CEP350: variants seen among roughly 807,000 people sequenced by gnomAD.
CEP350 encodes the protein centrosome-associated protein 350.
In CEP350, 126 loss-of-function variants were observed where a neutral mutation model predicts 331.8. That is an observed-to-expected ratio of 0.38 (90% CI 0.33 to 0.44). The LOEUF (loss-of-function observed/expected upper bound fraction) is 0.44, where lower values mean the gene tolerates loss of function less well. Ranked by LOEUF, CEP350 falls within the 20% of genes least tolerant of loss-of-function variation. CEP350 has a pLI of 1.00. For missense variants in CEP350, 3,406 were observed against 3,634.6 expected, an observed-to-expected ratio of 0.94 and a Z score of 1.62; for synonymous variants, 1,200 against 1,259.5, an observed-to-expected ratio of 0.95 and a Z score of 1.00.
intron 37 of CEP350, among the ~76,000 whole-genome samples, chr1:180,102,205 G>A (rs983251635): frequency 4.0e-5 from 6 of 150,234 alleles, no homozygotes; most frequent in East Asian, 2.0e-4. Context: ...GCACCACCTC[G>A]GCTCACTACA....
chr1:180,093,526 A>T lies in CEP350; in HGVS notation c.7421A>T (p.Glu2474Val). The change falls in exon 34 of 38, where the codon GAG (glutamate) becomes GTG (valine). Residue 2474 changes from glutamate to valine, a missense_variant. This residue lies in a region of CEP350 where 1,415 missense variants were observed against 1,512.3 expected (regional missense o/e 0.94). Coordinates refer to ENST00000367607, the MANE Select transcript of CEP350 (RefSeq NM_014810.5). ...LMKSKERSDV[E>V]HEQQVTESPS... The stretch of plus-strand genomic sequence containing the variant: ...AAAAGTAAGGAGCGCAGTGATGTGG[A>T]GCATGAACAGCAAGTTACTGAATCC... The T allele has an allele frequency of 3.7e-6, 6 of 1,613,486 alleles. No individual in the cohort carries two copies. The highest frequency in any genetic ancestry group is 5.1e-6 in the Non-Finnish European group (6 of 1,179,570).
At chr1:180,054,340 T>G in intron 24 of CEP350, 75 bp from the exon 25 acceptor site, 1 of 1,230,242 alleles carries the variant, frequency 8.1e-7, no homozygotes, top group Non-Finnish European at 1.2e-6. Context: ...TTTTTAGTAG[T>G]CAAGAATTCT....
rs775101024 is a variant in CEP350 at position 180,094,014 on chromosome 1, A to G, written c.7909A>G (p.Thr2637Ala). 12 of 1,613,704 alleles carry G rather than the reference A, an allele frequency of 7.4e-6. No individual in the cohort carries two copies. The Admixed American group carries it at 2.0e-4, about 27-fold the overall frequency. The change falls in exon 34 of 38, where the codon ACA becomes GCA. Residue 2637 changes from threonine (T) to alanine (A), a missense_variant. Around this residue, in one of 5 missense-constraint regions of CEP350, gnomAD observed 1,415 missense variants for 1,512.3 expected, o/e 0.94. Transcript: ENST00000367607. ...TAGAAGTAGAAGCCTTAAAATAGAAACAGACAATGTACAGGACATTTCTGG... is the reference window on the plus strand; with the variant it reads ...TAGAAGTAGAAGCCTTAAAATAGAAGCAGACAATGTACAGGACATTTCTGG... Reference protein sequence around the residue: ...VNRSRSLKIETDNVQDISGVL... With the variant: ...VNRSRSLKIEADNVQDISGVL...
chr1:180,106,277 TC>T (rs1343968300), intron 37 of CEP350, among the ~76,000 whole-genome samples: 1 of 152,226 alleles, frequency 6.6e-6, no homozygotes, highest in Admixed American at 6.5e-5. Flanking sequence ...CACTCAGCAC[TC>T]CTGAGTTCCT....
chr1:180,061,389 GT>G (rs1407535770), intron 25 of CEP350, among the ~76,000 whole-genome samples: 1 of 152,176 alleles, frequency 6.6e-6, no homozygotes, highest in African/African-American at 2.4e-5. Flanking sequence ...TAGAGGTGGG[GT>G]TTCACCATGT....
At chr1:180,043,552 T>C (rs1656908742) in intron 20 of CEP350, among the ~76,000 whole-genome samples, 2 of 152,022 alleles carry the variant, frequency 1.3e-5, no homozygotes, top group Non-Finnish European at 2.9e-5. Flanking sequence ...AAAGAATAGC[T>C]AGATCAAAGG....
intron 37 of CEP350, among the ~76,000 whole-genome samples, chr1:180,103,988 CAAATATATATTTTAAAATATAT>C (rs1660994490): frequency 6.9e-6 from 1 of 143,976 alleles, no homozygotes; most frequent in Non-Finnish European, 1.5e-5. Context: ...AAAATATATA[CAAATATATATTTTAAAATATAT>C]ACAAATATAT....
At chr1:180,088,008 A>AG (rs1659960619) in intron 32 of CEP350, among the ~76,000 whole-genome samples, 1 of 152,148 alleles carries the variant, frequency 6.6e-6, no homozygotes, top group Non-Finnish European at 1.5e-5. Context: ...TTTGAAAAAA[A>AG]CAGTTTGGCT....
At chr1:180,002,527 ATAAAT>A (rs1396245332) in intron 6 of CEP350, among the ~76,000 whole-genome samples, 2 of 152,146 alleles carry the variant, frequency 1.3e-5, no homozygotes, top group Admixed American at 1.3e-4. Flanking sequence ...CTAAGGTAAA[ATAAAT>A]AAAATAAAAT....
intron 16 of CEP350, among the ~76,000 whole-genome samples, chr1:180,036,664 C>G (rs1218292430): frequency 6.6e-6 from 1 of 152,148 alleles, no homozygotes; most frequent in East Asian, 1.9e-4. Flanking sequence ...TGCACACTTA[C>G]TAGACTACAG....
intron 23 of CEP350, 55 bp downstream of exon 23, chr1:180,053,221 A>G (rs1176918132): frequency 2.3e-6 from 2 of 856,718 alleles, no homozygotes; most frequent in Non-Finnish European, 3.4e-6. Flanking sequence ...TCTCTCAAAG[A>G]TATGAGAAAA....
intron 1 of CEP350, among the ~76,000 whole-genome samples, chr1:179,984,483 A>G (rs1277490094): frequency 6.6e-6 from 1 of 152,204 alleles, no homozygotes; most frequent in Non-Finnish European, 1.5e-5. Flanking sequence ...CCACATGGAC[A>G]TCTATAGGAT....
At chr1:180,010,416 T>C (rs1295745811) in intron 8 of CEP350, among the ~76,000 whole-genome samples, 1 of 151,342 alleles carries the variant, frequency 6.6e-6, no homozygotes, top group Non-Finnish European at 1.5e-5. Flanking sequence ...TTTTTTTTTT[T>C]TTTTTTTAAA....
intron 1 of CEP350, among the ~76,000 whole-genome samples, chr1:179,984,886 A>G (rs1391594648): frequency 6.6e-6 from 1 of 152,158 alleles, no homozygotes; most frequent in Non-Finnish European, 1.5e-5. Context: ...TAGTTCCTCT[A>G]TATTCATAGG....
intron 23 of CEP350, 136 bp from the exon 24 acceptor site, chr1:180,053,614 T>G (rs1657639537): frequency 3.9e-6 from 2 of 517,106 alleles, no homozygotes; most frequent in South Asian, 1.1e-4. Context: ...ATGTGCCTTT[T>G]TAAAGAATAT....
At chr1:180,060,787 A>G (rs989518843) in intron 25 of CEP350, among the ~76,000 whole-genome samples, 1 of 152,196 alleles carries the variant, frequency 6.6e-6, no homozygotes, top group Non-Finnish European at 1.5e-5. Context: ...GTAAAGCAAG[A>G]TTTAAAATAT....
At chr1:179,978,440 C>T (rs1652032905) in intron 1 of CEP350, among the ~76,000 whole-genome samples, 1 of 152,068 alleles carries the variant, frequency 6.6e-6, no homozygotes, top group Non-Finnish European at 1.5e-5. Context: ...AATATGTTCT[C>T]GTTAACTGTG....
chr1:179,998,247 T>C (rs1653603544), intron 6 of CEP350, among the ~76,000 whole-genome samples: 1 of 151,540 alleles, frequency 6.6e-6, no homozygotes, highest in South Asian at 2.1e-4. Context: ...CTTTAGTTTT[T>C]GTATACATGC....
intron 32 of CEP350, 115 bp from the exon 33 acceptor site, chr1:180,090,599 T>C: frequency 4.6e-6 from 2 of 433,324 alleles, no homozygotes; most frequent in Non-Finnish European, 6.7e-6. Flanking sequence ...GTGACATAGA[T>C]TGACATACCT....
Sources: allele counts gnomAD v4.1 joint callset (sites outside exome capture counted in the v4.1 genomes callset), GRCh38; gene constraint gnomAD v4.1.1; regional missense constraint gnomAD v4.1.1; transcripts MANE v1.5; gene names NCBI Gene and HGNC (gene_info 2026-07-23, HGNC 2026-07-21).